Variants in DNAJB14 observed in about 807,000 individuals in gnomAD.
DNAJB14 encodes the protein DnaJ heat shock protein family (Hsp40) member B14.
Under a neutral mutation model 48.4 loss-of-function variants are expected in DNAJB14, and 22 were observed. That is an observed-to-expected ratio of 0.45 (90% confidence interval 0.32 to 0.65). DNAJB14 has a LOEUF of 0.65. Ranked by LOEUF, DNAJB14 falls within the 30% of genes least tolerant of loss-of-function variation. The pLI, the probability that DNAJB14 is intolerant of heterozygous loss-of-function variation, is 0.03. For synonymous variants in DNAJB14, 142 were observed against 158.7 expected (o/e 0.89, Z 0.79); for missense variants, 319 against 458.8 (o/e 0.70, Z 2.78).
rs1222572588 is a variant in DNAJB14 at position 99,946,445 on chromosome 4, C to A, written c.127G>T (p.Ala43Ser). 6.2e-7 allele frequency: 1 copy of A among 1,612,088 alleles called. No individual in the cohort carries two copies. Among genetic ancestry groups the A allele is most frequent in the Non-Finnish European group, 8.5e-7 (1 of 1,179,114 alleles). Reference protein sequence around the residue: ...KAEKLYPLPSARALLEIIMKN... With the variant: ...KAEKLYPLPSSRALLEIIMKN... Reference sequence around the variant, plus strand: ...AGGGACGCTGAGGTCTCACCGCGGGCCGAGGGCAGTGGGTAGAGCTTCTCG... The same window carrying A: ...AGGGACGCTGAGGTCTCACCGCGGGACGAGGGCAGTGGGTAGAGCTTCTCG... The change falls in exon 1 of 8, where the codon GCC (alanine) becomes TCC (serine). Residue 43 changes from alanine (A) to serine (S), a missense_variant. Physicochemically the swap from Ala to Ser is moderately conservative, Grantham distance 99 (BLOSUM62 1). Around this residue, in one of 3 missense-constraint regions of DNAJB14, gnomAD observed 116 missense variants for 134.6 expected, o/e 0.86. Transcript: ENST00000442697.
chr4:99,942,958 T>C (rs1296536114), intron 1 of DNAJB14, among the ~76,000 whole-genome samples: 1 of 152,180 alleles, frequency 6.6e-6, no homozygotes, highest in African/African-American at 2.4e-5. Context: ...TAAAATCTAA[T>C]TGTAACCAAT....
intron 3 of DNAJB14, among the ~76,000 whole-genome samples, chr4:99,916,034 C>T (rs1425670468): frequency 1.3e-5 from 2 of 152,102 alleles, no homozygotes; most frequent in Admixed American, 1.3e-4. Flanking sequence ...AATATAGCAA[C>T]TCCTGTTTTC....
At chr4:99,940,599 A>G (rs1211555749) in intron 1 of DNAJB14, among the ~76,000 whole-genome samples, 1 of 152,168 alleles carries the variant, frequency 6.6e-6, no homozygotes, top group African/African-American at 2.4e-5. Flanking sequence ...TCAAAAATAA[A>G]TAAATAAATA....
rs756707416 is a variant in DNAJB14 at position 99,930,572 on chromosome 4, A to G, written c.183T>C (p.Pro61=). 6 of 1,612,270 alleles carry G rather than the reference A, an allele frequency of 3.7e-6. No homozygotes were observed. Among genetic ancestry groups the G allele is most frequent in the Non-Finnish European group, 5.1e-6 (6 of 1,179,096 alleles). ...CACTACCTGATGGTTTTCGGCAATG[A>G]GGGCTATTTCCAGCCGTGCTTCCAT... is the stretch of plus-strand genomic sequence containing the variant. The part of the protein sequence containing the change: ...MKNGSTAGNS[P]HCRKPSGSGD... The change falls in exon 2 of 8, where the codon CCT becomes CCC. Residue 61 remains proline (P), a synonymous_variant. Coordinates refer to ENST00000442697, the MANE Select transcript of DNAJB14 (RefSeq NM_001031723.4).
intron 3 of DNAJB14, 140 bp downstream of exon 3, chr4:99,922,900 A>C (rs1400835505): frequency 2.6e-5 from 25 of 954,746 alleles, no homozygotes; most frequent in Non-Finnish European, 3.3e-5. Flanking sequence ...TTAATACTGA[A>C]GTTTTAAAGG....
chr4:99,908,796 G>T lies in DNAJB14; in HGVS notation c.552C>A (p.Gly184=). ...CACAACCTCTATGGAAATTAAATCT[G>T]CCATTGTTTTGGTGGTTACATGCTT... is the stretch of plus-strand genomic sequence containing the variant. ...EEQACNHQNN[G]RFNFHRGCEA... is the part of the protein sequence containing the mutation. The change falls in exon 4 of 8, where the codon GGC becomes GGA. Residue 184 remains glycine (G), a synonymous_variant. Transcript: ENST00000442697. 1 of 1,612,232 alleles carries T rather than the reference G, an allele frequency of 6.2e-7. No homozygotes were observed.
intron 1 of DNAJB14, among the ~76,000 whole-genome samples, chr4:99,941,631 CTCTG>C (rs1201233388): frequency 6.6e-6 from 1 of 152,132 alleles, no homozygotes; most frequent in African/African-American, 2.4e-5. Context: ...AGGACAAGGA[CTCTG>C]TCTTACTATC....
chr4:99,922,391 A>C (rs1200069072), intron 3 of DNAJB14: 3 of 152,182 alleles, frequency 2.0e-5, no homozygotes. Context: ...TTTAACTATG[A>C]ATTAGAAATT....
chr4:99,924,306 A>AT (rs11343224), intron 2 of DNAJB14: 19,861 of 138,464 alleles, frequency 0.14, 1,470 homozygotes, highest in East Asian at 0.25. Flanking sequence ...AAGAGACAAG[A>AT]TTTTTTTTTT....
chr4:99,933,282 G>A (rs1726546637), intron 1 of DNAJB14, among the ~76,000 whole-genome samples: 1 of 146,960 alleles, frequency 6.8e-6, no homozygotes, highest in African/African-American at 2.5e-5. Context: ...AGTTATTAAT[G>A]AGAAATATAA....
At chr4:99,946,371 G>C (rs1727076216) in intron 1 of DNAJB14, 68 bp downstream of exon 1, 5 of 1,550,442 alleles carry the variant, frequency 3.2e-6, no homozygotes, top group African/African-American at 1.4e-5. Context: ...GGGCCGAGGT[G>C]GGGGCAGGGG....
At chr4:99,942,576 T>G (rs1726925061) in intron 1 of DNAJB14, 1 of 152,092 alleles carries the variant, frequency 6.6e-6, no homozygotes, top group Admixed American at 6.5e-5. Context: ...TACAACTGAA[T>G]TCACTTAGAA....
intron 3 of DNAJB14, among the ~76,000 whole-genome samples, chr4:99,918,428 G>C (rs1578222618): frequency 6.6e-6 from 1 of 152,196 alleles, no homozygotes. Flanking sequence ...TAGAGTTTGA[G>C]ATATTCCTGG....
At chr4:99,905,969 TC>T in intron 5 of DNAJB14, 1 of 1,296,506 alleles carries the variant, frequency 7.7e-7, no homozygotes, top group East Asian at 3.8e-5. Context: ...TCTTTCTCTT[TC>T]CCGACTCCCT....
Position 99,923,197 on chromosome 4 carries a change from A to T in DNAJB14, c.306-12T>A. 6.2e-7 allele frequency: 1 copy of T among 1,601,660 alleles called. No individual in the cohort carries two copies. Among genetic ancestry groups the T allele is most frequent in the Non-Finnish European group, 8.5e-7 (1 of 1,174,502 alleles). On this transcript the variant is annotated splice_polypyrimidine_tract_variant and intron_variant, in intron 2 of 7. Coordinates refer to ENST00000442697, the MANE Select transcript of DNAJB14 (RefSeq NM_001031723.4). The stretch of plus-strand genomic sequence containing the variant: ...TACATTTGTTTATGCTGTGAACAAG[A>T]GAGTGTGTTATAATGTAAATTTCAA...
chr4:99,901,953 TCA>T (rs571348278), intron 7 of DNAJB14, among the ~76,000 whole-genome samples: 271 of 152,266 alleles, frequency 1.8e-3, no homozygotes, highest in African/African-American at 6.2e-3. Flanking sequence ...CAAGATATAC[TCA>T]CAGTTAAGAC....
At chr4:99,935,721 A>C (rs1446938518) in intron 1 of DNAJB14, among the ~76,000 whole-genome samples, 2 of 151,988 alleles carry the variant, frequency 1.3e-5, no homozygotes, top group Non-Finnish European at 2.9e-5. Context: ...TCCTTTTGGC[A>C]TCTGGGGCTG....
chr4:99,901,382 C>G (rs1490649224), intron 7 of DNAJB14, among the ~76,000 whole-genome samples: 1 of 151,996 alleles, frequency 6.6e-6, no homozygotes, highest in African/African-American at 2.4e-5. Context: ...GGATAGAATC[C>G]TGTCAACTCA....
chr4:99,914,767 A>G lies in DNAJB14; in HGVS notation c.452-5871T>C, dbSNP rs913271993. Among the ~76,000 whole-genome samples the G allele has an allele frequency of 5.9e-5, 9 of 152,222 alleles. No individual in the cohort carries two copies. In the South Asian group the frequency reaches 1.2e-3, roughly 21 times the overall value. On this transcript the variant is annotated intron_variant, in intron 3 of 7. Coordinates refer to ENST00000442697, the MANE Select transcript of DNAJB14 (RefSeq NM_001031723.4). ...GTCAGACTGAGTTGTGATGATTTGT[A>G]TTTTTCAACTAACTGGCCCATCTCA...
Sources: gnomAD v4.1 joint callset for allele counts (sites outside exome capture counted in the v4.1 genomes callset) on GRCh38, gnomAD v4.1.1 for gene constraint, gnomAD v4.1.1 regional missense constraint, MANE v1.5 for transcripts, NCBI Gene and HGNC (gene_info 2026-07-23, HGNC 2026-07-21) for gene names.